Variants in HMCES observed in about 807,000 individuals in gnomAD.
HMCES encodes 5-hydroxymethylcytosine binding, ES cell specific, also known as abasic site processing protein HMCES.
A neutral mutation model predicts 35.1 loss-of-function variants in HMCES; 27 were observed. The ratio of observed to expected loss-of-function variants is 0.77; its 90% CI spans 0.57 to 1.06. The LOEUF is 1.06. HMCES is among the 50% of genes least tolerant of loss of function. The pLI is 0.00. For synonymous variants in HMCES, 130 were observed against 154.7 expected, an observed-to-expected ratio of 0.84 and a Z score of 1.18; for missense variants, 391 against 430.4, an observed-to-expected ratio of 0.91 and a Z score of 0.81.
chr3:129,297,128 A>C (rs1042117540), intron 4 of HMCES, among the ~76,000 whole-genome samples: 5 of 152,142 alleles, frequency 3.3e-5, no homozygotes, highest in African/African-American at 1.2e-4. Flanking sequence ...GTTTCTCAGC[A>C]GCCCTCCTCT....
At chr3:129,297,908 C>A (rs761417087) in intron 4 of HMCES, among the ~76,000 whole-genome samples, 2 of 152,076 alleles carry the variant, frequency 1.3e-5, no homozygotes, top group Non-Finnish European at 2.9e-5. Context: ...ACATTTTAGT[C>A]CTTGAATTGA....
intron 5 of HMCES, 75 bp from the exon 6 acceptor site, chr3:129,301,875 G>T: frequency 8.2e-7 from 1 of 1,212,550 alleles, no homozygotes; most frequent in South Asian, 1.4e-5. Context: ...GGTATCAGCT[G>T]ACTCAAGTCT....
At chr3:129,280,963 C>G (rs985122636) in intron 2 of HMCES, among the ~76,000 whole-genome samples, 1 of 152,206 alleles carries the variant, frequency 6.6e-6, no homozygotes, top group Admixed American at 6.5e-5. Flanking sequence ...GTGGCCCACG[C>G]CTGTAATCCT....
At position 129,288,891 on chromosome 3, in the gene HMCES, G is replaced by T. The variant is rs144761816; in HGVS notation, c.221G>T (p.Arg74Leu). ...DSSERIIAPM[R>L]WGLVPSWFKE... ...TCTGAGCGTATCATTGCTCCCATGC[G>T]CTGGGGCTTGGTCCCTTCTTGGTTC... is the stretch of plus-strand genomic sequence containing the variant. The change falls in exon 3 of 7, where the codon CGC becomes CTC. Residue 74 changes from arginine (R) to leucine (L), a missense_variant. Coordinates refer to ENST00000383463, the MANE Select transcript of HMCES (RefSeq NM_020187.3). 437 of 1,591,896 alleles carry T rather than the reference G, an allele frequency of 2.7e-4. No individual in the cohort carries two copies. Among genetic ancestry groups the T allele is most frequent in the Non-Finnish European group, 3.6e-4 (422 of 1,162,612 alleles).
intron 2 of HMCES, among the ~76,000 whole-genome samples, chr3:129,286,225 A>C (rs1940634049): frequency 6.6e-6 from 1 of 152,214 alleles, no homozygotes; most frequent in African/African-American, 2.4e-5. Flanking sequence ...CTAACCCCCA[A>C]GATGATGGTA....
chr3:129,302,071 T>A lies in HMCES; in HGVS notation c.757T>A (p.Ser253Thr). 6.2e-7 allele frequency: 1 copy of A among 1,614,170 alleles called. No individual in the cohort carries two copies. Among genetic ancestry groups the A allele is most frequent in the Non-Finnish European group, 8.5e-7 (1 of 1,180,028 alleles). ...PTENITFHAV[S>T]SVVNNSRNNT... ...AGAGAACATCACCTTCCATGCAGTC[T>A]CTTCTGTGGTGAACAACTCGCGAAA... Residue 253 changes from serine to threonine, a missense_variant, in exon 6 of 7, where the codon TCT (serine) becomes ACT (threonine). Coordinates refer to ENST00000383463, the MANE Select transcript of HMCES (RefSeq NM_020187.3).
intron 4 of HMCES, among the ~76,000 whole-genome samples, chr3:129,292,770 C>T (rs2071039956): frequency 6.6e-6 from 1 of 152,094 alleles, no homozygotes; most frequent in Non-Finnish European, 1.5e-5. Flanking sequence ...AGGCGTGAGC[C>T]ACTGCGCCTG....
chr3:129,302,267 C>G (rs1332581335), intron 6 of HMCES, 125 bp downstream of exon 6: 1 of 774,126 alleles, frequency 1.3e-6, no homozygotes, highest in Non-Finnish European at 2.0e-6. Context: ...CTCTCATACT[C>G]CTTGTACACA....
At chr3:129,283,217 A>AT (rs1392107124) in intron 2 of HMCES, among the ~76,000 whole-genome samples, 1 of 151,576 alleles carries the variant, frequency 6.6e-6, no homozygotes, top group Non-Finnish European at 1.5e-5. Context: ...AGAACCACAG[A>AT]TTTTTTCAGT....
chr3:129,289,344 G>C (rs1383205888), intron 3 of HMCES, among the ~76,000 whole-genome samples: 2 of 152,174 alleles, frequency 1.3e-5, no homozygotes, highest in African/African-American at 4.8e-5. Flanking sequence ...GGGATGACTA[G>C]AACAACTAGA....
At chr3:129,299,046 G>C (rs1472614544) in intron 5 of HMCES, among the ~76,000 whole-genome samples, 1 of 152,202 alleles carries the variant, frequency 6.6e-6, no homozygotes, top group African/African-American at 2.4e-5. Context: ...TACATGGGAG[G>C]CTGAGGCAAG....
Position 129,304,576 on chromosome 3 carries a change from CTCTT to C in HMCES, c.829-8_829-5del. ...TGAGCTGTATGGTTTGAGCTTTTTCCTCTTTCTTGTAGGAGCTCAGGGCAAGTGG... is the reference window on the plus strand; with the variant it reads ...TGAGCTGTATGGTTTGAGCTTTTTCCTCTTGTAGGAGCTCAGGGCAAGTGG... On this transcript the variant is annotated splice_polypyrimidine_tract_variant and intron_variant, in intron 6 of 6. Coordinates refer to ENST00000383463, the MANE Select transcript of HMCES (RefSeq NM_020187.3). 1 of 1,610,790 alleles carries C rather than the reference CTCTT, an allele frequency of 6.2e-7. No homozygotes were observed. Among genetic ancestry groups the C allele is most frequent in the East Asian group, 2.2e-5 (1 of 44,874 alleles).
At chr3:129,296,522 T>G (rs1004441996) in intron 4 of HMCES, among the ~76,000 whole-genome samples, 9 of 152,218 alleles carry the variant, frequency 5.9e-5, no homozygotes, top group African/African-American at 2.2e-4. Context: ...ATCTGGGAAA[T>G]ATAATCTCTT....
intron 4 of HMCES, among the ~76,000 whole-genome samples, chr3:129,292,610 A>G (rs1250191757): frequency 6.7e-6 from 1 of 149,016 alleles, no homozygotes; most frequent in African/African-American, 2.5e-5. Flanking sequence ...CTCCTGCCTC[A>G]GCCTCCCAAG....
chr3:129,303,984 A>C (rs754015611), intron 6 of HMCES, among the ~76,000 whole-genome samples: 2 of 152,006 alleles, frequency 1.3e-5, no homozygotes, highest in African/African-American at 4.8e-5. Flanking sequence ...GGCTCAAGCG[A>C]TCTTCCCACC....
intron 2 of HMCES, among the ~76,000 whole-genome samples, chr3:129,281,020 G>A (rs904631999): frequency 1.3e-5 from 2 of 151,822 alleles, no homozygotes; most frequent in Non-Finnish European, 2.9e-5. Flanking sequence ...TCAAGAGATC[G>A]AGACCATCCT....
rs1164255684 is a variant in HMCES at position 129,290,729 on chromosome 3, T to C, written c.378T>C (p.Tyr126=). ...RRCVVLADGF[Y]EWQRCQGTNQ... Reference sequence around the variant, plus strand: ...GTGTCGTTTTAGCAGATGGATTCTATGAGTGGCAGCGATGTCAGGGAACAA... The same window carrying C: ...GTGTCGTTTTAGCAGATGGATTCTACGAGTGGCAGCGATGTCAGGGAACAA... Residue 126 remains tyrosine (Y), a synonymous_variant, in exon 4 of 7, where the codon TAT becomes TAC. Coordinates refer to ENST00000383463, the MANE Select transcript of HMCES (RefSeq NM_020187.3). 10 of 1,613,554 alleles carry C rather than the reference T, an allele frequency of 6.2e-6. No homozygotes were observed. Among genetic ancestry groups the C allele is most frequent in the Admixed American group, 1.7e-5 (1 of 59,978 alleles).
At chr3:129,297,256 G>A (rs549222079) in intron 4 of HMCES, among the ~76,000 whole-genome samples, 14 of 152,062 alleles carry the variant, frequency 9.2e-5, no homozygotes, top group Admixed American at 4.6e-4. Context: ...TCGGCTAAAC[G>A]GGTGGAGGCA....
At position 129,304,809 on chromosome 3, in the gene HMCES, G is replaced by A. The variant is rs756006412; in HGVS notation, c.1049G>A (p.Arg350His). 1.8e-5 allele frequency: 29 copies of A among 1,613,944 alleles called. No individual in the cohort carries two copies. The highest frequency in any genetic ancestry group is 1.6e-4 in the Middle Eastern group (1 of 6,084). The part of the protein sequence containing the change: ...REKEEEPVAK[R>H]PYSQ ...AAGGAGGAGGAACCTGTGGCCAAGC[G>A]TCCTTACAGCCAGTGACACAGGACT... Residue 350 changes from arginine to histidine, a missense_variant, in exon 7 of 7, where the codon CGT becomes CAT. Transcript: ENST00000383463.
Sources: gnomAD v4.1 joint callset for allele counts (sites outside exome capture counted in the v4.1 genomes callset) on GRCh38, gnomAD v4.1.1 for gene constraint, MANE v1.5 for transcripts, NCBI Gene and HGNC (gene_info 2026-07-23, HGNC 2026-07-21) for gene names.